Variants in KAZN observed in about 807,000 individuals in gnomAD.
The protein encoded by KAZN is kazrin, periplakin interacting protein, also known as kazrin.
Under a neutral mutation model 87.4 loss-of-function variants are expected in KAZN, and 40 were observed. The observed-to-expected ratio is 0.46, with a 90% CI of 0.36 to 0.60. The LOEUF is 0.60. Ranked by LOEUF, KAZN falls within the 20% of genes least tolerant of loss-of-function variation. The pLI, the probability that KAZN is intolerant of heterozygous loss-of-function variation, is 0.00. For missense variants in KAZN, 898 were observed against 1,073.9 expected, an observed-to-expected ratio of 0.84 and a Z score of 2.29; for synonymous variants, 466 against 458.3, an observed-to-expected ratio of 1.02 and a Z score of -0.22.
At chr1:14,093,547 C>T (rs1644056630) in intron 1 of KAZN, among the ~76,000 whole-genome samples, 1 of 152,122 alleles carries the variant, frequency 6.6e-6, no homozygotes, top group Non-Finnish European at 1.5e-5. Flanking sequence ...CCTCTTGCTT[C>T]ACTTCCTAAG....
intron 2 of KAZN, among the ~76,000 whole-genome samples, chr1:14,511,167 C>G (rs1377475697): frequency 6.6e-6 from 1 of 152,128 alleles, no homozygotes; most frequent in Non-Finnish European, 1.5e-5. Context: ...TTTCCACTCA[C>G]TCTGTTGGAA....
intron 1 of KAZN, among the ~76,000 whole-genome samples, chr1:13,900,908 A>G (rs558155809): frequency 2.0e-5 from 3 of 152,258 alleles, no homozygotes; most frequent in Non-Finnish European, 1.5e-5. Flanking sequence ...AACTATTACT[A>G]TTTGTTATTA....
intron 2 of KAZN, among the ~76,000 whole-genome samples, chr1:14,203,747 G>A (rs1448041211): frequency 6.6e-6 from 1 of 152,208 alleles, no homozygotes; most frequent in Non-Finnish European, 1.5e-5. Context: ...CATTTCAGCA[G>A]TAAATGCAGC....
chr1:14,306,219 A>G (rs970067733), intron 2 of KAZN, among the ~76,000 whole-genome samples: 2 of 152,198 alleles, frequency 1.3e-5, no homozygotes, highest in Non-Finnish European at 2.9e-5. Context: ...TGCTTTGTGA[A>G]AAAATTAAAT....
At chr1:14,798,853 C>T (rs999092636) in intron 1 of KAZN, among the ~76,000 whole-genome samples, 3 of 152,160 alleles carry the variant, frequency 2.0e-5, no homozygotes, top group Non-Finnish European at 4.4e-5. Flanking sequence ...CTCTGCCTCC[C>T]GGGCTCAAGC....
In KAZN at chr1:14,450,451, G is replaced by C. The variant is rs559454017; in HGVS notation, c.250-148532G>C. On this transcript the variant is annotated intron_variant, in intron 2 of 16. Coordinates refer to the KAZN transcript ENST00000636203. ...TAAAAATACAAAAAATTAGCCAGACGTGGTGGCAGGCACCTGTAATCCCAG... is the reference window on the plus strand; with the variant it reads ...TAAAAATACAAAAAATTAGCCAGACCTGGTGGCAGGCACCTGTAATCCCAG... Among the ~76,000 whole-genome samples the C allele has an allele frequency of 3.9e-5, 6 of 152,220 alleles. No homozygotes were observed. The South Asian group carries it at 8.3e-4, about 21-fold the overall frequency.
intron 2 of KAZN, among the ~76,000 whole-genome samples, chr1:15,009,494 C>T (rs1328047815): frequency 6.6e-6 from 1 of 152,188 alleles, no homozygotes; most frequent in African/African-American, 2.4e-5. Flanking sequence ...GCTGGGGAAA[C>T]GTGCTTCCAC....
At chr1:14,906,517 C>T (rs150193170) in intron 1 of KAZN, among the ~76,000 whole-genome samples, 1 of 151,762 alleles carries the variant, frequency 6.6e-6, no homozygotes, top group South Asian at 2.1e-4. Context: ...CAGCCTCATG[C>T]GGAGCGAGTT....
chr1:13,903,785 G>A (rs1639335545), intron 1 of KAZN, among the ~76,000 whole-genome samples: 1 of 152,154 alleles, frequency 6.6e-6, no homozygotes, highest in Non-Finnish European at 1.5e-5. Context: ...GCTGGGGAGA[G>A]ACTTAAAGAG....
chr1:15,065,928 G>A (rs1639193017), intron 8 of KAZN, 175 bp downstream of exon 8: 3 of 1,432,976 alleles, frequency 2.1e-6, no homozygotes, highest in Non-Finnish European at 2.7e-6. Context: ...CATGGGTGCT[G>A]GGTGTGGCCG....
intron 1 of KAZN, among the ~76,000 whole-genome samples, chr1:14,620,107 T>C (rs1207044433): frequency 6.6e-6 from 1 of 152,250 alleles, no homozygotes; most frequent in South Asian, 2.1e-4. Flanking sequence ...GTTACCCATC[T>C]GTACAATGGT....
At chr1:14,835,309 T>C (rs1291228231) in intron 1 of KAZN, among the ~76,000 whole-genome samples, 3 of 152,174 alleles carry the variant, frequency 2.0e-5, no homozygotes, top group African/African-American at 7.2e-5. Context: ...TAAAATTGGC[T>C]GTAAAGTTTC....
intron 1 of KAZN, among the ~76,000 whole-genome samples, chr1:14,628,307 G>A (rs1253661000): frequency 1.3e-5 from 2 of 152,152 alleles, no homozygotes; most frequent in African/African-American, 2.4e-5. Flanking sequence ...CAACACACCC[G>A]CAGCATATAA....
intron 1 of KAZN, among the ~76,000 whole-genome samples, chr1:14,106,799 C>T (rs1644383700): frequency 6.6e-6 from 1 of 152,126 alleles, no homozygotes; most frequent in Admixed American, 6.5e-5. Context: ...CCCTGAAAGC[C>T]CTAAAATAGG....
chr1:14,012,172 A>C (rs755759831), intron 1 of KAZN, among the ~76,000 whole-genome samples: 4 of 151,916 alleles, frequency 2.6e-5, no homozygotes, highest in Non-Finnish European at 5.9e-5. Context: ...AACTACATGT[A>C]AATCAAAGAT....
At chr1:15,097,752 AG>A (rs1449164274) in intron 10 of KAZN, among the ~76,000 whole-genome samples, 2 of 152,140 alleles carry the variant, frequency 1.3e-5, no homozygotes. Flanking sequence ...CAGGAGGCGG[AG>A]GTTGCAGTGA....
At chr1:14,563,888 T>TTTTTTTTTTTTTTG in intron 2 of KAZN, among the ~76,000 whole-genome samples, 1 of 148,046 alleles carries the variant, frequency 6.8e-6, no homozygotes, top group African/African-American at 2.5e-5. Context: ...TTTTTTTTTT[T>TTTTTTTTTTTTTTG]GTCTGAGACA....
At chr1:14,580,115 A>G (rs573511365) in intron 2 of KAZN, among the ~76,000 whole-genome samples, 1 of 152,148 alleles carries the variant, frequency 6.6e-6, no homozygotes, top group African/African-American at 2.4e-5. Flanking sequence ...CGTCACTGGG[A>G]CTTCCAGGGT....
rs745819674 is a variant in KAZN at position 15,056,059 on chromosome 1, ACTT to A, written c.727-24_727-22del. Reference sequence around the variant, plus strand: ...TGGCCAAGAGTTCCCCTTGATCATGACTTCTTCTTCCTGTCTTCTTGCTCTCTC... The same window carrying A: ...TGGCCAAGAGTTCCCCTTGATCATGACTTCTTCCTGTCTTCTTGCTCTCTC... On this transcript the variant is annotated intron_variant, in intron 4 of 14. Coordinates refer to ENST00000376030, the MANE Select transcript of KAZN (RefSeq NM_201628.3). The surrounding 1 kb of genome is among the most constrained non-coding windows in gnomAD (Gnocchi z 5.4). 37 of 1,576,144 alleles carry A rather than the reference ACTT, an allele frequency of 2.3e-5. 1 individual carries two copies. The highest frequency in any genetic ancestry group is 5.7e-5 in the South Asian group (5 of 87,714).
Sources: gnomAD v4.1 joint callset for allele counts (sites outside exome capture counted in the v4.1 genomes callset) on GRCh38, gnomAD v4.1.1 for gene constraint, Gnocchi (gnomAD v3.1) non-coding constraint, MANE v1.5 for transcripts, NCBI Gene and HGNC (gene_info 2026-07-23, HGNC 2026-07-21) for gene names.